SCN7A: variants seen among roughly 807,000 people sequenced by gnomAD.
SCN7A encodes the protein sodium voltage-gated channel alpha subunit 7.
Under a neutral mutation model 155.2 loss-of-function variants are expected in SCN7A, and 138 were observed. The observed-to-expected ratio is 0.89, with a 90% CI of 0.77 to 1.02. The LOEUF is 1.02. Among genes scored for constraint, SCN7A ranks in the 50% least tolerant of loss-of-function variants. The probability of loss-of-function intolerance (pLI) is 0.00; values close to 1 mark genes in which losing one functional copy is unlikely to be tolerated. For missense variants in SCN7A, 2,058 were observed against 1,986.6 expected, an observed-to-expected ratio of 1.04 and a Z score of -0.68; for synonymous variants, 693 against 649.0, an observed-to-expected ratio of 1.07 and a Z score of -1.03.
intron 5 of SCN7A, 56 bp from the exon 6 acceptor site, chr2:166,472,501 T>C: frequency 2.3e-6 from 3 of 1,308,348 alleles, no homozygotes. Flanking sequence ...TTGTCAACTC[T>C]GAAATACTAT....
intron 2 of SCN7A, among the ~76,000 whole-genome samples, chr2:166,482,764 A>C (rs921849603): frequency 1.6e-5 from 1 of 60,892 alleles, no homozygotes; most frequent in Non-Finnish European, 3.1e-5. Flanking sequence ...GCGATACTGC[A>C]AAAAAAAAAA....
intron 11 of SCN7A, among the ~76,000 whole-genome samples, chr2:166,452,558 C>T (rs762599187): frequency 5.3e-5 from 8 of 151,954 alleles, no homozygotes; most frequent in Admixed American, 2.0e-4. Context: ...TTTTTTAATT[C>T]GTTACATGAA....
chr2:166,477,522 G>T lies in SCN7A; in HGVS notation c.175C>A (p.Gln59Lys). 6.4e-7 allele frequency: 1 copy of T among 1,558,320 alleles called. No homozygotes were observed. Among genetic ancestry groups the T allele is most frequent in the Non-Finnish European group, 8.7e-7 (1 of 1,149,474 alleles). ...TCCAAGGGCTCTGACACCATTCCTTGAGAAAGGTTTCCATAAATAAATGGA... is the reference window on the plus strand; with the variant it reads ...TCCAAGGGCTCTGACACCATTCCTTTAGAAAGGTTTCCATAAATAAATGGA... ...KLPFIYGNLS[Q>K]GMVSEPLEDV... Residue 59 changes from glutamine to lysine, a missense_variant, in exon 3 of 26, where the codon CAA becomes AAA. Transcript: ENST00000643258.
chr2:166,481,745 AC>A (rs1702932426), intron 2 of SCN7A, among the ~76,000 whole-genome samples: 2 of 152,308 alleles, frequency 1.3e-5, no homozygotes, highest in South Asian at 4.1e-4. Context: ...AAAACAATTT[AC>A]AGACAAGCTA....
intron 4 of SCN7A, 68 bp downstream of exon 4, chr2:166,474,158 T>G: frequency 1.5e-6 from 1 of 676,756 alleles, no homozygotes; most frequent in Non-Finnish European, 2.4e-6. Context: ...CAGAAATAAT[T>G]GAATAATAGT....
intron 18 of SCN7A, among the ~76,000 whole-genome samples, chr2:166,425,194 T>C (rs1701596660): frequency 6.6e-6 from 1 of 152,160 alleles, no homozygotes; most frequent in Non-Finnish European, 1.5e-5. Context: ...TACAATAGGG[T>C]AGGTGTCTTT....
rs751968934 is a variant in SCN7A, at chr2:166,432,425, T to C, written c.2485A>G (p.Ser829Gly). Residue 829 changes from serine to glycine, a missense_variant, in exon 16 of 26, where the codon AGT (serine) becomes GGT (glycine). Physicochemically the swap from Ser to Gly is moderately conservative, Grantham distance 56. Coordinates refer to ENST00000643258, the MANE Select transcript of SCN7A (RefSeq NM_002976.4). ...GGTACAGTTTCTGAGACACTAGGAC[T>C]GGGGATAAGTGATTGGCTCTCATTT... ...TENESQSLIP[S>G]PSVSETVPIA... 172 of 1,613,510 alleles carry C rather than the reference T, an allele frequency of 1.1e-4. No homozygotes were observed. Among genetic ancestry groups the C allele is most frequent in the Non-Finnish European group, 1.3e-4 (159 of 1,179,650 alleles).
intron 23 of SCN7A, among the ~76,000 whole-genome samples, chr2:166,410,748 T>C (rs2105364281): frequency 6.6e-6 from 1 of 152,124 alleles, no homozygotes; most frequent in African/African-American, 2.4e-5. Context: ...TATATGACTA[T>C]ATATTGCTTT....
Position 166,432,754 on chromosome 2 carries a change from T to C in SCN7A, c.2158-2A>G, listed in dbSNP as rs1575021551. On this transcript the variant is annotated splice_acceptor_variant, in intron 15 of 25. Transcript: ENST00000643258. LOFTEE classifies it high-confidence loss of function. ...CAATGCCAGAAACAGGTAAAGTACCTAAATAAGGAAGTAAAATGAGGCTAA... is the reference window on the plus strand; with the variant it reads ...CAATGCCAGAAACAGGTAAAGTACCCAAATAAGGAAGTAAAATGAGGCTAA... The C allele has an allele frequency of 6.6e-7, 1 of 1,516,178 alleles. No individual in the cohort carries two copies. Among genetic ancestry groups the C allele is most frequent in the African/African-American group, 1.4e-5 (1 of 71,714 alleles). 93.9% of individuals were successfully genotyped at this position (1,516,178 alleles called of 1,614,324 possible).
chr2:166,475,638 T>C (rs979346333), intron 3 of SCN7A, among the ~76,000 whole-genome samples: 1 of 151,956 alleles, frequency 6.6e-6, no homozygotes, highest in African/African-American at 2.4e-5. Context: ...CTTTTCATGC[T>C]ATTTTCCAGA....
At chr2:166,409,349 T>A (rs1479651938) in intron 25 of SCN7A, among the ~76,000 whole-genome samples, 1 of 151,982 alleles carries the variant, frequency 6.6e-6, no homozygotes, top group Non-Finnish European at 1.5e-5. Flanking sequence ...AACGTCTTTC[T>A]AGTGTCATCT....
Position 166,427,830 on chromosome 2 carries a change from C to T in SCN7A, c.2811G>A (p.Lys937=). 6.2e-7 allele frequency: 1 copy of T among 1,612,004 alleles called. No individual in the cohort carries two copies. The highest frequency in any genetic ancestry group is 8.5e-7 in the Non-Finnish European group (1 of 1,178,944). ...GCAGAGTAACAAGCCCAATAAAACA[C>T]TTAAACCAATTGTTCTCTACAATCT... is the stretch of plus-strand genomic sequence containing the variant. ...CCKIVENNWF[K]CFIGLVTLLS... The change falls in exon 18 of 26, where the codon AAG becomes AAA. Residue 937 remains lysine (K), a synonymous_variant. Coordinates refer to ENST00000643258, the MANE Select transcript of SCN7A (RefSeq NM_002976.4).
chr2:166,407,318 C>A lies in SCN7A; in HGVS notation c.3983-672G>T, dbSNP rs1269265800. 2.0e-5 allele frequency among the ~76,000 whole-genome samples: 3 copies of A among 151,882 alleles called. No homozygotes were observed. In the East Asian group the frequency reaches 5.8e-4, roughly 29 times the overall value. ...GAGGGAAGTATGGCAGTGATTAACA[C>A]AAGAACTATAAAACAAGGTAGAATT... On this transcript the variant is annotated intron_variant, in intron 25 of 25. Transcript: ENST00000643258.
At chr2:166,421,389 A>G in intron 19 of SCN7A, 92 bp from the exon 20 acceptor site, 1 of 607,988 alleles carries the variant, frequency 1.6e-6, no homozygotes. Flanking sequence ...CAACAGATAT[A>G]TACAATAAAA....
chr2:166,428,799 C>T (rs991076506), intron 17 of SCN7A, among the ~76,000 whole-genome samples: 4 of 152,090 alleles, frequency 2.6e-5, no homozygotes, highest in Admixed American at 1.3e-4. Flanking sequence ...ATACTAGTAG[C>T]TATACCACTG....
chr2:166,490,767 A>T (rs1683082075), intron 1 of SCN7A, among the ~76,000 whole-genome samples: 1 of 152,164 alleles, frequency 6.6e-6, no homozygotes, highest in Admixed American at 6.6e-5. Flanking sequence ...CAATTCTGAA[A>T]ATGTCTGTCT....
intron 2 of SCN7A, among the ~76,000 whole-genome samples, chr2:166,483,327 C>T (rs145707085): frequency 1.1e-3 from 160 of 152,102 alleles, no homozygotes; most frequent in African/African-American, 2.1e-3. Context: ...GTGGACTAGA[C>T]GTTTCTAATT....
At chr2:166,471,792 G>A (rs922236195) in intron 6 of SCN7A, among the ~76,000 whole-genome samples, 5 of 151,184 alleles carry the variant, frequency 3.3e-5, no homozygotes, top group African/African-American at 9.7e-5. Flanking sequence ...CTTATGCAAT[G>A]TAGCTACATG....
intron 23 of SCN7A, among the ~76,000 whole-genome samples, chr2:166,411,439 G>T (rs1701200219): frequency 6.6e-6 from 1 of 151,502 alleles, no homozygotes. Context: ...CCCCCAAAAT[G>T]CAAGAGAAGT....
Sources: gnomAD v4.1 joint callset for allele counts (sites outside exome capture counted in the v4.1 genomes callset) on GRCh38, gnomAD v4.1.1 for gene constraint, MANE v1.5 for transcripts, NCBI Gene and HGNC (gene_info 2026-07-23, HGNC 2026-07-21) for gene names.